The following CCDC141 variants were observed in gnomAD, a reference collection of about 807,000 sequenced individuals.
The protein encoded by CCDC141 is coiled-coil domain-containing protein 141.
A neutral mutation model predicts 181.0 loss-of-function variants in CCDC141; 168 were observed. The observed-to-expected ratio is 0.93, with a 90% CI of 0.82 to 1.05. The LOEUF is 1.05. CCDC141 is among the 50% of genes least tolerant of loss of function. CCDC141 has a pLI of 0.00. For missense variants in CCDC141, 1,902 were observed against 1,788.5 expected, an observed-to-expected ratio of 1.06 and a Z score of -1.14; for synonymous variants, 666 against 642.3, an observed-to-expected ratio of 1.04 and a Z score of -0.56.
rs1689677807 is a variant in CCDC141 at position 178,945,157 on chromosome 2, A to AGTCTAGGTTAAAT, written c.781-507_781-506insATTTAACCTAGAC. ...GAAAATAGAGAGGTTATTAACATTTACATTGACTTGATTTATAATACATGC... is the reference window on the plus strand; with the variant it reads ...GAAAATAGAGAGGTTATTAACATTTAGTCTAGGTTAAATCATTGACTTGATTTATAATACATGC... On this transcript the variant is annotated intron_variant, in intron 5 of 23. Coordinates refer to ENST00000443758, the MANE Select transcript of CCDC141 (RefSeq NM_173648.4). Among the ~76,000 whole-genome samples, 10 of 152,318 alleles carry AGTCTAGGTTAAAT rather than the reference A, an allele frequency of 6.6e-5. No individual in the cohort carries two copies. In the South Asian group the frequency reaches 2.1e-3, roughly 32 times the overall value.
rs559963135 is a variant in CCDC141, at chr2:178,938,896, T to C, written c.897+5639A>G. On this transcript the variant is annotated intron_variant, in intron 6 of 23. Transcript: ENST00000443758. ...CAAGTATAGCCTTATAGTCAACTTCTAGATATTGCATTGCTCCCAGAACGT... is the reference window on the plus strand; with the variant it reads ...CAAGTATAGCCTTATAGTCAACTTCCAGATATTGCATTGCTCCCAGAACGT... 3.9e-5 allele frequency among the ~76,000 whole-genome samples: 6 copies of C among 152,290 alleles called. No individual in the cohort carries two copies. In the South Asian group the frequency reaches 1.2e-3, roughly 32 times the overall value.
At chr2:178,865,970 G>A (rs888719203) in intron 16 of CCDC141, 54 bp from the exon 17 acceptor site, 237 of 1,303,878 alleles carry the variant, frequency 1.8e-4, no homozygotes, top group Admixed American at 1.3e-3. Flanking sequence ...GCAATAAGAC[G>A]AGTAGGCTAT....
At chr2:178,972,087 C>A (rs549464876) in intron 4 of CCDC141, among the ~76,000 whole-genome samples, 22 of 151,510 alleles carry the variant, frequency 1.5e-4, no homozygotes, top group African/African-American at 4.6e-4. Context: ...TAAAAAAAAA[C>A]CTAAATAAAA....
intron 2 of CCDC141, among the ~76,000 whole-genome samples, chr2:179,015,618 C>CAT (rs200921115): frequency 0.75 from 51,005 of 68,368 alleles, 19,355 homozygotes; most frequent in East Asian, 0.85. Context: ...TCATATAGCT[C>CAT]ATATATATCT....
chr2:178,952,469 G>A lies in CCDC141; in HGVS notation c.781-7818C>T, dbSNP rs750646054. 3.3e-5 allele frequency among the ~76,000 whole-genome samples: 5 copies of A among 152,156 alleles called. No homozygotes were observed. The East Asian group carries it at 9.6e-4, about 29-fold the overall frequency. Reference sequence around the variant, plus strand: ...ACTGAGGCACAGAGGCCAAGTAACTGGCCCCAAACAACATCCCTAGTAAAT... The same window carrying A: ...ACTGAGGCACAGAGGCCAAGTAACTAGCCCCAAACAACATCCCTAGTAAAT... On this transcript the variant is annotated intron_variant, in intron 5 of 23. Transcript: ENST00000443758.
At chr2:178,868,369 A>G (rs899940064) in intron 15 of CCDC141, among the ~76,000 whole-genome samples, 164 bp from the exon 16 acceptor site, 3 of 152,176 alleles carry the variant, frequency 2.0e-5, no homozygotes, top group Non-Finnish European at 2.9e-5. Flanking sequence ...TGCAAATCCA[A>G]TGGTGGTAAA....
At chr2:178,870,580 AGTTTG>A (rs1443974431) in intron 14 of CCDC141, among the ~76,000 whole-genome samples, 1 of 152,138 alleles carries the variant, frequency 6.6e-6, no homozygotes, top group Non-Finnish European at 1.5e-5. Flanking sequence ...GTTTTATAAG[AGTTTG>A]CTGTGGATTA....
chr2:179,045,282 C>G (rs4640421), intron 2 of CCDC141, among the ~76,000 whole-genome samples: 90,779 of 125,178 alleles, frequency 0.73, 33,594 homozygotes, highest in East Asian at 0.92. Flanking sequence ...TCGTTCTTGC[C>G]ATAGTTTACT....
At chr2:178,867,796 A>C (rs1244181639) in intron 16 of CCDC141, among the ~76,000 whole-genome samples, 1 of 152,174 alleles carries the variant, frequency 6.6e-6, no homozygotes, top group Non-Finnish European at 1.5e-5. Flanking sequence ...ACTCTTTAAA[A>C]ATTTTTTTTC....
At chr2:178,839,704 A>C (rs1684646123) in intron 22 of CCDC141, among the ~76,000 whole-genome samples, 2 of 152,032 alleles carry the variant, frequency 1.3e-5, no homozygotes, top group South Asian at 4.1e-4. Flanking sequence ...CAACTTAGCG[A>C]AAGTGGTTTC....
chr2:178,975,822 A>C (rs1691094140), intron 3 of CCDC141, among the ~76,000 whole-genome samples: 1 of 152,150 alleles, frequency 6.6e-6, no homozygotes, highest in Non-Finnish European at 1.5e-5. Context: ...AGGATGAGTG[A>C]GAGGAGGTAA....
chr2:178,983,899 T>A (rs1306754040), intron 2 of CCDC141, among the ~76,000 whole-genome samples: 2 of 150,282 alleles, frequency 1.3e-5, no homozygotes, highest in Admixed American at 6.6e-5. Context: ...CTGCAGGATA[T>A]TATCCAGGAG....
At chr2:178,942,200 C>CCCA (rs1273495044) in intron 6 of CCDC141, among the ~76,000 whole-genome samples, 3 of 152,070 alleles carry the variant, frequency 2.0e-5, no homozygotes, top group African/African-American at 7.2e-5. Context: ...AAACCATCCT[C>CCCA]CCACCTCAGC....
At chr2:178,945,716 C>T (rs1478370913) in intron 5 of CCDC141, among the ~76,000 whole-genome samples, 2 of 152,150 alleles carry the variant, frequency 1.3e-5, no homozygotes, top group Non-Finnish European at 2.9e-5. Flanking sequence ...TTTCCCCAGC[C>T]TAGGTTGTCT....
intron 2 of CCDC141, among the ~76,000 whole-genome samples, chr2:179,034,790 C>A (rs1434510238): frequency 6.6e-6 from 1 of 152,218 alleles, no homozygotes; most frequent in East Asian, 1.9e-4. Context: ...TGTTTCATTT[C>A]TCAGGTAATT....
chr2:178,876,595 C>T (rs1475034448), intron 12 of CCDC141: 3 of 152,142 alleles, frequency 2.0e-5, no homozygotes, highest in African/African-American at 4.8e-5. Flanking sequence ...GAATGAAGTA[C>T]TATTGGGAGC....
At chr2:178,981,585 C>T (rs1484690518) in intron 2 of CCDC141, among the ~76,000 whole-genome samples, 1 of 140,564 alleles carries the variant, frequency 7.1e-6, no homozygotes, top group African/African-American at 2.6e-5. Flanking sequence ...TTTTAAGATG[C>T]CACAACAGCA....
At chr2:179,005,697 C>T (rs540914272) in intron 2 of CCDC141, among the ~76,000 whole-genome samples, 11 of 152,130 alleles carry the variant, frequency 7.2e-5, no homozygotes, top group African/African-American at 2.2e-4. Context: ...TGCAGTGGTG[C>T]GATCTCAGCT....
chr2:178,900,878 A>C (rs1392910806), intron 8 of CCDC141, among the ~76,000 whole-genome samples: 1 of 152,180 alleles, frequency 6.6e-6, no homozygotes, highest in Non-Finnish European at 1.5e-5. Flanking sequence ...TCAGACACTG[A>C]ACAATTAGTA....
Sources: gnomAD v4.1 joint callset for allele counts (sites outside exome capture counted in the v4.1 genomes callset) on GRCh38, gnomAD v4.1.1 for gene constraint, MANE v1.5 for transcripts, NCBI Gene and HGNC (gene_info 2026-07-23, HGNC 2026-07-21) for gene names.